Variants in MLLT1 observed in about 807,000 individuals in gnomAD.
MLLT1 encodes the protein MLLT1 super elongation complex subunit.
MLLT1 carries 11 observed loss-of-function variants against 55.1 expected under a neutral mutation model. The observed-to-expected ratio is 0.20, with a 90% confidence interval of 0.13 to 0.33. The LOEUF (loss-of-function observed/expected upper bound fraction) is 0.33, where lower values mean the gene tolerates loss of function less well. Among genes scored for constraint, MLLT1 ranks in the 10% least tolerant of loss-of-function variants. The pLI, the probability that MLLT1 is intolerant of heterozygous loss-of-function variation, is 1.00. For synonymous variants in MLLT1, 323 were observed against 320.1 expected (o/e 1.01, Z -0.10); for missense variants, 536 against 760.6 (o/e 0.70, Z 3.47).
intron 3 of MLLT1, among the ~76,000 whole-genome samples, chr19:6,244,757 A>C (rs752538236): frequency 2.4e-4 from 37 of 152,252 alleles, no homozygotes; most frequent in Non-Finnish European, 4.7e-4. Flanking sequence ...AATTTTTTTT[A>C]ATGAGAGGGA....
chr19:6,243,242 C>T (rs1330388573), intron 3 of MLLT1, among the ~76,000 whole-genome samples: 2 of 152,160 alleles, frequency 1.3e-5, no homozygotes, highest in Non-Finnish European at 2.9e-5. Flanking sequence ...TGGGGGCCCC[C>T]ACCCCGGGAA....
intron 1 of MLLT1, among the ~76,000 whole-genome samples, chr19:6,277,481 T>A (rs1443949204): frequency 6.6e-6 from 1 of 152,296 alleles, no homozygotes; most frequent in South Asian, 2.1e-4. Context: ...GGAACTGAAG[T>A]TGTCATTCGA....
At position 6,270,916 on chromosome 19, in the gene MLLT1, C is replaced by T. The variant is rs1057349809; in HGVS notation, c.13-157G>A. Reference sequence around the variant, plus strand: ...CAGACGGCTTCCTATCGCGCCAGCACCTTGCCGCAGACGTCCCGTGCCTTC... The same window carrying T: ...CAGACGGCTTCCTATCGCGCCAGCATCTTGCCGCAGACGTCCCGTGCCTTC... On this transcript the variant is annotated intron_variant, in intron 1 of 11. Transcript: ENST00000252674. The surrounding 1 kb of genome is among the most constrained non-coding windows in gnomAD (Gnocchi z 7.1). Among the ~76,000 whole-genome samples the T allele has an allele frequency of 8.5e-5, 13 of 152,162 alleles. No individual in the cohort carries two copies. Among genetic ancestry groups the T allele is most frequent in the African/African-American group, 2.9e-4 (12 of 41,438 alleles).
chr19:6,265,657 T>A (rs1376938967), intron 2 of MLLT1, among the ~76,000 whole-genome samples: 1 of 135,426 alleles, frequency 7.4e-6, no homozygotes, highest in Non-Finnish European at 1.6e-5. Context: ...GCAACAAGAG[T>A]GAAACTCTGT....
intron 3 of MLLT1, among the ~76,000 whole-genome samples, chr19:6,260,877 CAA>C (rs1460166143): frequency 6.6e-6 from 1 of 152,230 alleles, no homozygotes; most frequent in Non-Finnish European, 1.5e-5. Flanking sequence ...CTTGCTGGCC[CAA>C]ACTGCTTCTG....
Position 6,213,795 on chromosome 19 carries a change from C to T in MLLT1, c.1410G>A (p.Val470=), listed in dbSNP as rs1310576102. Residue 470 remains valine, a splice_region_variant and synonymous_variant, in exon 10 of 12, where the codon GTG becomes GTA. Transcript: ENST00000252674. The part of the protein sequence containing the change: ...PQKPPPPNSK[V]SGRRSPESCS... ...AGGACTCGGGGCTCCTCCGGCCTGA[C>T]ACCTGCAGGGAACCCAGGTCTCTGC... The T allele has an allele frequency of 6.2e-6, 10 of 1,613,394 alleles. No individual in the cohort carries two copies. The highest frequency in any genetic ancestry group is 8.5e-6 in the Non-Finnish European group (10 of 1,179,794).
intron 3 of MLLT1, among the ~76,000 whole-genome samples, chr19:6,255,750 C>T (rs1388898253): frequency 1.3e-5 from 2 of 152,154 alleles, no homozygotes; most frequent in African/African-American, 2.4e-5. Flanking sequence ...TATGGAATCA[C>T]AAGGGGCACA....
intron 5 of MLLT1, among the ~76,000 whole-genome samples, chr19:6,224,417 T>C (rs1326252304): frequency 6.6e-6 from 1 of 152,214 alleles, no homozygotes; most frequent in African/African-American, 2.4e-5. Flanking sequence ...AGCAAGCTAC[T>C]ACCCAAGGAG....
chr19:6,230,797 C>G lies in MLLT1; in HGVS notation c.277-84G>C. ...GCTCCCCATTGGCCCTGGTCCTCCC[C>G]TCTCCCTCACTGGGCCTCTGTTCCC... is the stretch of plus-strand genomic sequence containing the variant. On this transcript the variant is annotated intron_variant, in intron 3 of 11. Coordinates refer to ENST00000252674, the MANE Select transcript of MLLT1 (RefSeq NM_005934.4). The surrounding 1 kb of genome is among the most constrained non-coding windows in gnomAD (Gnocchi z 9.0). 4 of 1,526,158 alleles carry G rather than the reference C, an allele frequency of 2.6e-6. No individual in the cohort carries two copies. Among genetic ancestry groups the G allele is most frequent in the African/African-American group, 1.4e-5 (1 of 73,042 alleles). The allele number at this position is 1,526,158 out of a possible 1,614,324, so 94.5% of individuals were successfully genotyped here. A position where few individuals can be genotyped will look rare whatever the true frequency, so the allele number is the denominator to read the frequency against.
At chr19:6,218,113 G>A in intron 6 of MLLT1, 72 bp from the exon 7 acceptor site, 1 of 1,523,846 alleles carries the variant, frequency 6.6e-7, no homozygotes. Context: ...AGACAAAGGG[G>A]GCCCCCTGGC....
chr19:6,212,406 C>T lies in MLLT1; in HGVS notation c.*636G>A, dbSNP rs2090784969. On this transcript the variant is annotated 3_prime_UTR_variant, in exon 12 of 12. Transcript: ENST00000252674. ...ATCTTAACCTACAAGCCCCACCGTA[C>T]GCACCCCCCACCCACCCCACGTGCA... 6.6e-6 allele frequency: 7 copies of T among 1,065,866 alleles called. No individual in the cohort carries two copies. The highest frequency in any genetic ancestry group is 4.5e-5 in the South Asian group (1 of 21,986). The allele number at this position is 1,065,866 out of a possible 1,614,324, so 66.0% of individuals were successfully genotyped here. A position where few individuals can be genotyped will look rare whatever the true frequency, so the allele number is the denominator to read the frequency against.
chr19:6,271,393 A>C (rs915535377), intron 1 of MLLT1, among the ~76,000 whole-genome samples: 1 of 152,092 alleles, frequency 6.6e-6, no homozygotes, highest in African/African-American at 2.4e-5. Context: ...TTCAGTTTCA[A>C]AAGCAGAATG....
Position 6,218,034 on chromosome 19 carries a change from T to C in MLLT1, c.1118A>G (p.Gln373Arg), listed in dbSNP as rs1182161873. ...GGAGCTGGAGTTGGACGGGCTTGAC[T>C]GGGCAGACTTCACCCAATGGTGGGA... is the stretch of plus-strand genomic sequence containing the variant. Reference protein sequence around the residue: ...DEASFKSESAQSSPSNSSSSS... With the variant: ...DEASFKSESARSSPSNSSSSS... Residue 373 changes from glutamine (Q) to arginine (R), a missense_variant, in exon 7 of 12, where the codon CAG (glutamine) becomes CGG (arginine). By Grantham distance (43) the Gln-to-Arg change is conservative. This residue lies in a region of MLLT1 where 449 missense variants were observed against 489.0 expected (regional missense o/e 0.92). Transcript: ENST00000252674. 6.8e-6 allele frequency: 11 copies of C among 1,609,308 alleles called. No individual in the cohort carries two copies. The highest frequency in any genetic ancestry group is 4.0e-5 in the African/African-American group (3 of 74,612).
Position 6,249,500 on chromosome 19 carries a change from G to T in MLLT1, c.276+12728C>A, listed in dbSNP as rs79196460. 0.012 allele frequency among the ~76,000 whole-genome samples: 1,830 copies of T among 152,214 alleles called. 75 individuals carry two copies. In the East Asian group the frequency reaches 0.14, roughly 11 times the overall value. ...TTCATCCGGGCCACTGCCTTGTCCC[G>T]GGGCAGCCCCAGCATGTCCTCCCAG... On this transcript the variant is annotated intron_variant, in intron 3 of 11. Coordinates refer to ENST00000252674, the MANE Select transcript of MLLT1 (RefSeq NM_005934.4).
intron 8 of MLLT1, among the ~76,000 whole-genome samples, chr19:6,215,328 G>A (rs1487559370): frequency 6.6e-6 from 1 of 152,244 alleles, no homozygotes; most frequent in Non-Finnish European, 1.5e-5. Context: ...ACGGCTCTTG[G>A]CGCAAGCAGA....
At position 6,230,975 on chromosome 19, in the gene MLLT1, G is replaced by A. The variant is rs975755338; in HGVS notation, c.277-262C>T. On this transcript the variant is annotated intron_variant, in intron 3 of 11. Coordinates refer to ENST00000252674, the MANE Select transcript of MLLT1 (RefSeq NM_005934.4). The surrounding 1 kb of genome is among the most constrained non-coding windows in gnomAD (Gnocchi z 9.0). ...ATAGCCATGCTCTCGGACTGTTATG[G>A]GAAACATGTACCCCCTTCAACCCTC... 2.6e-5 allele frequency among the ~76,000 whole-genome samples: 4 copies of A among 152,178 alleles called. No homozygotes were observed. The highest frequency in any genetic ancestry group is 9.7e-5 in the African/African-American group (4 of 41,450).
At chr19:6,243,298 C>T (rs1053002606) in intron 3 of MLLT1, among the ~76,000 whole-genome samples, 6 of 152,158 alleles carry the variant, frequency 3.9e-5, no homozygotes, top group Non-Finnish European at 8.8e-5. Flanking sequence ...TGCCCAGGAC[C>T]AGGGCATCAA....
At chr19:6,259,906 T>C (rs1180606324) in intron 3 of MLLT1, 1 of 151,246 alleles carries the variant, frequency 6.6e-6, no homozygotes, top group East Asian at 1.9e-4. Flanking sequence ...ATGGGAGAAT[T>C]TTACTATATG....
intron 1 of MLLT1, among the ~76,000 whole-genome samples, chr19:6,278,985 C>A (rs922116841): frequency 6.6e-6 from 1 of 152,122 alleles, no homozygotes; most frequent in South Asian, 2.1e-4. Flanking sequence ...AGGCCAGGGT[C>A]CTAGGGAGTC....
Sources: allele counts gnomAD v4.1 joint callset (sites outside exome capture counted in the v4.1 genomes callset), GRCh38; gene constraint gnomAD v4.1.1; regional missense constraint gnomAD v4.1.1; non-coding constraint Gnocchi (gnomAD v3.1); transcripts MANE v1.5; gene names NCBI Gene and HGNC (gene_info 2026-07-23, HGNC 2026-07-21).